GNB1: variants seen among roughly 807,000 people sequenced by gnomAD.
The protein encoded by GNB1 is guanine nucleotide-binding protein G(I)/G(S)/G(T) subunit beta-1.
Under a neutral mutation model 42.9 loss-of-function variants are expected in GNB1, and 2 were observed. The observed-to-expected ratio is 0.05, with a 90% CI of 0.02 to 0.15. The LOEUF (loss-of-function observed/expected upper bound fraction) is 0.15, where lower values mean the gene tolerates loss of function less well. Among genes scored for constraint, GNB1 ranks in the 10% least tolerant of loss-of-function variants. The pLI, the probability that GNB1 is intolerant of heterozygous loss-of-function variation, is 1.00. For synonymous variants in GNB1, 183 were observed against 174.7 expected, an observed-to-expected ratio of 1.05 and a Z score of -0.38; for missense variants, 193 against 462.2, an observed-to-expected ratio of 0.42 and a Z score of 5.34.
At chr1:1,848,763 C>T (rs898803630) in intron 1 of GNB1, among the ~76,000 whole-genome samples, 2 of 152,182 alleles carry the variant, frequency 1.3e-5, no homozygotes, top group African/African-American at 2.4e-5. Context: ...ATTTTGACTG[C>T]ACAGCAGGTT....
intron 5 of GNB1, among the ~76,000 whole-genome samples, chr1:1,814,261 C>T (rs992974606): frequency 1.3e-5 from 2 of 152,178 alleles, no homozygotes; most frequent in Non-Finnish European, 2.9e-5. Context: ...AAGAAAAAGC[C>T]TAGCAGAAAA....
intron 2 of GNB1, among the ~76,000 whole-genome samples, chr1:1,831,732 C>T (rs903279344): frequency 5.3e-5 from 8 of 151,684 alleles, no homozygotes; most frequent in African/African-American, 1.7e-4. Flanking sequence ...TACACGCACC[C>T]GGTCACATGT....
intron 7 of GNB1, among the ~76,000 whole-genome samples, chr1:1,794,947 C>G (rs1266059005): frequency 6.6e-6 from 1 of 152,196 alleles, no homozygotes; most frequent in Middle Eastern, 3.2e-3. Context: ...CTCGGCTTCC[C>G]AAAGTGCTAG....
chr1:1,868,252 T>C (rs1350352428), intron 1 of GNB1, among the ~76,000 whole-genome samples: 1 of 152,168 alleles, frequency 6.6e-6, no homozygotes, highest in African/African-American at 2.4e-5. Flanking sequence ...CTCAGCTCGC[T>C]GCAACCTCTG....
At chr1:1,859,643 G>C (rs956618369) in intron 1 of GNB1, among the ~76,000 whole-genome samples, 4 of 151,200 alleles carry the variant, frequency 2.6e-5, no homozygotes, top group Admixed American at 1.3e-4. Flanking sequence ...AAAGAAAGGG[G>C]GAGCAGGGTA....
intron 1 of GNB1, among the ~76,000 whole-genome samples, chr1:1,840,385 G>T (rs370548395): frequency 6.6e-6 from 1 of 151,644 alleles, no homozygotes; most frequent in Non-Finnish European, 1.5e-5. Context: ...AAAATTCGCC[G>T]AGCGTAGTGG....
rs374070484 is a variant in GNB1, at chr1:1,874,472, C to T, written c.-96+16348G>A. Among the ~76,000 whole-genome samples the T allele has an allele frequency of 2.2e-3, 339 of 151,550 alleles. 2 individuals carry two copies. Among genetic ancestry groups the T allele is most frequent in the African/African-American group, 7.9e-3 (325 of 41,316 alleles). ...AAAGTACAGAGAAAGCCGGGCGTGGCGGTGTGCACCTGTAGTCCCAGCTAC... is the reference window on the plus strand; with the variant it reads ...AAAGTACAGAGAAAGCCGGGCGTGGTGGTGTGCACCTGTAGTCCCAGCTAC... On this transcript the variant is annotated intron_variant, in intron 1 of 11. Coordinates refer to ENST00000378609, the MANE Select transcript of GNB1 (RefSeq NM_002074.5).
chr1:1,878,947 TC>T (rs1296317430), intron 1 of GNB1, among the ~76,000 whole-genome samples: 14 of 152,144 alleles, frequency 9.2e-5, no homozygotes, highest in African/African-American at 3.1e-4. Flanking sequence ...CAGAATACCT[TC>T]TGTGGGTTCT....
At chr1:1,886,853 C>G (rs1650184694) in intron 1 of GNB1, among the ~76,000 whole-genome samples, 1 of 152,010 alleles carries the variant, frequency 6.6e-6, no homozygotes, top group Non-Finnish European at 1.5e-5. Context: ...TTACAGGTGC[C>G]CAGCACCACG....
At chr1:1,858,513 G>A (rs1648428316) in intron 1 of GNB1, among the ~76,000 whole-genome samples, 1 of 152,044 alleles carries the variant, frequency 6.6e-6, no homozygotes, top group Non-Finnish European at 1.5e-5. Flanking sequence ...TTCTTAAAAA[G>A]GGACAGATCC....
At chr1:1,882,554 G>A (rs145355517) in intron 1 of GNB1, among the ~76,000 whole-genome samples, 1,850 of 151,960 alleles carry the variant, frequency 0.012, 16 homozygotes, top group Middle Eastern at 0.044. Flanking sequence ...CAAATCAAGG[G>A]ACGTCAACAA....
intron 3 of GNB1, among the ~76,000 whole-genome samples, chr1:1,819,500 C>T (rs1051090975): frequency 6.6e-5 from 10 of 151,664 alleles, no homozygotes; most frequent in Non-Finnish European, 1.5e-4. Context: ...GGATTACAGG[C>T]GTGAGCCACC....
intron 1 of GNB1, among the ~76,000 whole-genome samples, chr1:1,874,926 G>A (rs1649458319): frequency 6.6e-6 from 1 of 152,174 alleles, no homozygotes; most frequent in Admixed American, 6.5e-5. Context: ...ACAGACAGAG[G>A]GGATGGTTTT....
At chr1:1,805,721 T>C (rs888645124) in intron 6 of GNB1, among the ~76,000 whole-genome samples, 2 of 152,008 alleles carry the variant, frequency 1.3e-5, no homozygotes, top group Non-Finnish European at 2.9e-5. Flanking sequence ...TTTGTATTTT[T>C]AGTAGAGACG....
At chr1:1,876,177 C>T (rs1395982782) in intron 1 of GNB1, among the ~76,000 whole-genome samples, 1 of 152,140 alleles carries the variant, frequency 6.6e-6, no homozygotes, top group African/African-American at 2.4e-5. Flanking sequence ...TCAATTCATT[C>T]TGAGCCATCC....
chr1:1,794,615 A>G (rs1377933056), intron 7 of GNB1, among the ~76,000 whole-genome samples: 2 of 152,234 alleles, frequency 1.3e-5, no homozygotes, highest in East Asian at 1.9e-4. Flanking sequence ...AAAATGCACC[A>G]AAAGAAGAAA....
At chr1:1,800,539 CCT>C (rs1646609916) in intron 7 of GNB1, among the ~76,000 whole-genome samples, 1 of 152,020 alleles carries the variant, frequency 6.6e-6, no homozygotes, top group Non-Finnish European at 1.5e-5. Context: ...ACCCCAGCCC[CCT>C]GAGCCTCGGG....
At position 1,787,278 on chromosome 1, in the gene GNB1, C is replaced by T. The variant is rs545187592; in HGVS notation, c.*9+44G>A. Reference sequence around the variant, plus strand: ...AACTTCAAATGTTCTATGAGAAACACGCACAGTTCTCCTCAGAGAAGGGCA... The same window carrying T: ...AACTTCAAATGTTCTATGAGAAACATGCACAGTTCTCCTCAGAGAAGGGCA... On this transcript the variant is annotated intron_variant, in intron 11 of 11. Coordinates refer to ENST00000378609, the MANE Select transcript of GNB1 (RefSeq NM_002074.5). This position sits in a 1 kb window ranked among gnomAD's most constrained non-coding sequence, Gnocchi z 4.4. 75 of 936,664 alleles carry T rather than the reference C, an allele frequency of 8.0e-5. No individual in the cohort carries two copies. In the South Asian group the frequency reaches 8.4e-4, roughly 11 times the overall value. 58.0% of individuals were successfully genotyped at this position (936,664 alleles called of 1,614,324 possible).
At chr1:1,890,195 G>A (rs1346949512) in intron 1 of GNB1, among the ~76,000 whole-genome samples, 2 of 152,136 alleles carry the variant, frequency 1.3e-5, no homozygotes, top group African/African-American at 2.4e-5. Flanking sequence ...TGCCTCAGCG[G>A]CTCGACACAG....
Sources: allele counts gnomAD v4.1 joint callset (sites outside exome capture counted in the v4.1 genomes callset), GRCh38; gene constraint gnomAD v4.1.1; non-coding constraint Gnocchi (gnomAD v3.1); transcripts MANE v1.5; gene names NCBI Gene and HGNC (gene_info 2026-07-23, HGNC 2026-07-21).